PSD3: variants seen among roughly 807,000 people sequenced by gnomAD.
The protein encoded by PSD3 is pleckstrin and Sec7 domain containing 3, also known as PH and SEC7 domain-containing protein 3.
Under a neutral mutation model 105.5 loss-of-function variants are expected in PSD3, and 49 were observed. That is an observed-to-expected ratio of 0.46 (90% CI 0.37 to 0.59). The LOEUF is 0.59. Among genes scored for constraint, PSD3 ranks in the 20% least tolerant of loss-of-function variants. The pLI, the probability that PSD3 is intolerant of heterozygous loss-of-function variation, is 0.00. For synonymous variants in PSD3, 557 were observed against 457.8 expected, an observed-to-expected ratio of 1.22 and a Z score of -2.77; for missense variants, 1,561 against 1,263.8, an observed-to-expected ratio of 1.24 and a Z score of -3.57.
chr8:18,548,970 G>A (rs76631282), intron 15 of PSD3, among the ~76,000 whole-genome samples: 3,562 of 152,176 alleles, frequency 0.023, 65 homozygotes, highest in East Asian at 0.085. Context: ...TGAGTGGGAT[G>A]TCAAACAGTT....
chr8:18,777,752 G>C (rs1473539283), intron 8 of PSD3, among the ~76,000 whole-genome samples: 1 of 151,970 alleles, frequency 6.6e-6, no homozygotes, highest in African/African-American at 2.4e-5. Flanking sequence ...GAAAGAATAG[G>C]ACTTATTCCT....
chr8:18,885,772 G>C (rs1818412607), intron 2 of PSD3, among the ~76,000 whole-genome samples: 1 of 152,168 alleles, frequency 6.6e-6, no homozygotes, highest in Non-Finnish European at 1.5e-5. Context: ...GCAGAGAGTT[G>C]AAAGTCAGTT....
intron 10 of PSD3, among the ~76,000 whole-genome samples, chr8:18,635,287 A>G (rs983516982): frequency 2.0e-5 from 3 of 152,074 alleles, no homozygotes; most frequent in Non-Finnish European, 4.4e-5. Context: ...GGTTCTTCTT[A>G]CTGGAGAACA....
intron 4 of PSD3, chr8:18,854,174 T>G (rs910659338): frequency 6.6e-6 from 1 of 152,488 alleles, no homozygotes; most frequent in African/African-American, 2.4e-5. Flanking sequence ...CTCAGCAAAC[T>G]TTCATCTTCC....
intron 9 of PSD3, among the ~76,000 whole-genome samples, chr8:18,753,354 CAA>C (rs558680452): frequency 2.1e-5 from 3 of 140,120 alleles, no homozygotes; most frequent in African/African-American, 5.2e-5. Context: ...ACTCCAACTC[CAA>C]AAAAAAAAAA....
At chr8:18,790,700 G>C (rs960505307) in intron 8 of PSD3, among the ~76,000 whole-genome samples, 1 of 151,984 alleles carries the variant, frequency 6.6e-6, no homozygotes, top group South Asian at 2.1e-4. Flanking sequence ...TGGTGAAAAT[G>C]AACGCCAGGC....
chr8:18,890,519 T>C (rs1818720026), intron 2 of PSD3, among the ~76,000 whole-genome samples: 1 of 152,170 alleles, frequency 6.6e-6, no homozygotes, highest in Non-Finnish European at 1.5e-5. Flanking sequence ...TGTACTCTAA[T>C]ACGCTGTTTT....
chr8:18,557,049 A>C (rs1270054935), intron 14 of PSD3, among the ~76,000 whole-genome samples: 3 of 152,236 alleles, frequency 2.0e-5, no homozygotes, highest in Non-Finnish European at 4.4e-5. Context: ...ATCCTACATC[A>C]AAGGATTTCC....
chr8:18,942,128 A>G (rs1030627538), intron 1 of PSD3, among the ~76,000 whole-genome samples: 2 of 152,222 alleles, frequency 1.3e-5, no homozygotes, highest in Non-Finnish European at 2.9e-5. Context: ...AAAAAGGTTA[A>G]GAGTAGAGTT....
At chr8:18,845,133 T>A (rs1331873324) in intron 4 of PSD3, among the ~76,000 whole-genome samples, 2 of 152,326 alleles carry the variant, frequency 1.3e-5, no homozygotes, top group Non-Finnish European at 1.5e-5. Context: ...TCTATTAGAA[T>A]ATTGCTTTGA....
intron 1 of PSD3, among the ~76,000 whole-genome samples, chr8:18,952,735 G>C (rs1360616737): frequency 6.6e-6 from 1 of 152,188 alleles, no homozygotes; most frequent in Non-Finnish European, 1.5e-5. Context: ...ATGTTTACAA[G>C]TCCATGCAAT....
intron 9 of PSD3, among the ~76,000 whole-genome samples, chr8:18,697,868 C>G (rs1475243409): frequency 6.6e-6 from 1 of 152,224 alleles, no homozygotes; most frequent in Non-Finnish European, 1.5e-5. Context: ...AAATCCATTT[C>G]ATCGTTGCAT....
chr8:18,729,932 T>C (rs1389816542), intron 9 of PSD3, among the ~76,000 whole-genome samples: 1 of 152,206 alleles, frequency 6.6e-6, no homozygotes, highest in East Asian at 1.9e-4. Flanking sequence ...ATTTATCACA[T>C]TCATTTATTT....
Position 18,531,368 on chromosome 8 carries a change from C to T in PSD3, c.*4375G>A, listed in dbSNP as rs549414136. On this transcript the variant is annotated 3_prime_UTR_variant, in exon 16 of 16. Coordinates refer to ENST00000327040, the MANE Select transcript of PSD3 (RefSeq NM_015310.4). ...AAGCAGAAGGCTGCCCACGTGGGTT[C>T]TGGATACTGTAGGTACAAAAGGAGA... is the stretch of plus-strand genomic sequence containing the variant. The T allele has an allele frequency of 3.7e-4, 57 of 152,720 alleles. No individual in the cohort carries two copies. The highest frequency in any genetic ancestry group is 1.4e-3 in the African/African-American group (57 of 41,554). The allele number at this position is 152,720 out of a possible 1,614,324, so 9.5% of individuals were successfully genotyped here.
intron 1 of PSD3, among the ~76,000 whole-genome samples, chr8:19,028,946 C>G (rs1026058616): frequency 6.6e-6 from 1 of 152,142 alleles, no homozygotes; most frequent in African/African-American, 2.4e-5. Context: ...TATCCTTTTG[C>G]ATTTACCTTA....
intron 10 of PSD3, among the ~76,000 whole-genome samples, chr8:18,644,307 T>G (rs1442294426): frequency 6.6e-6 from 1 of 152,226 alleles, no homozygotes; most frequent in Non-Finnish European, 1.5e-5. Context: ...ATTCCTCTCA[T>G]ATCTTACTGT....
At chr8:18,742,980 G>A (rs1804697436) in intron 9 of PSD3, among the ~76,000 whole-genome samples, 1 of 152,182 alleles carries the variant, frequency 6.6e-6, no homozygotes, top group South Asian at 2.1e-4. Context: ...AATTTCCAAT[G>A]TGAGGGACAA....
intron 15 of PSD3, among the ~76,000 whole-genome samples, chr8:18,553,397 C>A (rs1800891811): frequency 6.6e-6 from 1 of 152,192 alleles, no homozygotes; most frequent in Non-Finnish European, 1.5e-5. Context: ...GGTTTGTTTT[C>A]ATGGGAGCTT....
chr8:18,859,674 T>C (rs1460442010), intron 4 of PSD3, among the ~76,000 whole-genome samples: 2 of 152,342 alleles, frequency 1.3e-5, no homozygotes, highest in East Asian at 3.9e-4. Context: ...ACTTTTATGT[T>C]ACGGAGATAG....
Sources: gnomAD v4.1 joint callset for allele counts (sites outside exome capture counted in the v4.1 genomes callset) on GRCh38, gnomAD v4.1.1 for gene constraint, MANE v1.5 for transcripts, NCBI Gene and HGNC (gene_info 2026-07-23, HGNC 2026-07-21) for gene names.